MTHFD2L: variants seen among roughly 807,000 people sequenced by gnomAD.
The protein encoded by MTHFD2L is methylenetetrahydrofolate dehydrogenase (NADP+ dependent) 2 like.
MTHFD2L carries 29 observed loss-of-function variants against 34.9 expected under a neutral mutation model. That is an observed-to-expected ratio of 0.83 (90% CI 0.62 to 1.13). The LOEUF is 1.13. Ranked by LOEUF, MTHFD2L falls within the 50% of genes most tolerant of loss-of-function variation. The probability of loss-of-function intolerance (pLI) is 0.00; values close to 1 mark genes in which losing one functional copy is unlikely to be tolerated. For synonymous variants in MTHFD2L, 167 were observed against 155.7 expected (o/e 1.07, Z -0.54); for missense variants, 481 against 446.5 (o/e 1.08, Z -0.70).
At chr4:74,181,296 C>A (rs552489928) in intron 3 of MTHFD2L, among the ~76,000 whole-genome samples, 5 of 152,276 alleles carry the variant, frequency 3.3e-5, no homozygotes, top group Admixed American at 2.0e-4. Flanking sequence ...TTCATGACAG[C>A]TGTTACAAGT....
At chr4:74,264,523 T>G (rs58215609) in intron 6 of MTHFD2L, among the ~76,000 whole-genome samples, 5,097 of 151,912 alleles carry the variant, frequency 0.034, 268 homozygotes, top group African/African-American at 0.11. Context: ...ATTTCATGGA[T>G]GCATAATATA....
rs1470199342 is a variant in MTHFD2L, at chr4:74,278,713, A to G, written c.806-2712A>G. On this transcript the variant is annotated intron_variant, in intron 6 of 7. Coordinates refer to ENST00000325278, the MANE Select transcript of MTHFD2L (RefSeq NM_001144978.3). Reference sequence around the variant, plus strand: ...CTAGCTTGAGCTTGTTTTCATGGCCATGACGTGGTTCCAAGAGAGATAAGA... The same window carrying G: ...CTAGCTTGAGCTTGTTTTCATGGCCGTGACGTGGTTCCAAGAGAGATAAGA... Among the ~76,000 whole-genome samples, 8 of 152,058 alleles carry G rather than the reference A, an allele frequency of 5.3e-5. No homozygotes were observed. The South Asian group carries it at 1.4e-3, about 28-fold the overall frequency.
intron 3 of MTHFD2L, among the ~76,000 whole-genome samples, chr4:74,196,778 T>C (rs1733554869): frequency 6.6e-6 from 1 of 152,054 alleles, no homozygotes; most frequent in South Asian, 2.1e-4. Flanking sequence ...AAACCCCATC[T>C]GTACTAAAAA....
chr4:74,150,877 A>C (rs968541176), intron 1 of MTHFD2L, among the ~76,000 whole-genome samples: 2 of 152,092 alleles, frequency 1.3e-5, no homozygotes, highest in African/African-American at 4.8e-5. Context: ...GAAAACAAGA[A>C]GGCTTAACAA....
chr4:74,184,907 T>A (rs1408971617), intron 3 of MTHFD2L, among the ~76,000 whole-genome samples: 1 of 151,974 alleles, frequency 6.6e-6, no homozygotes, highest in Non-Finnish European at 1.5e-5. Context: ...CCCAGAACTT[T>A]AGGAGGCCAA....
intron 6 of MTHFD2L, among the ~76,000 whole-genome samples, chr4:74,230,591 GAAAA>G (rs11324931): frequency 1.6e-5 from 2 of 128,986 alleles, no homozygotes; most frequent in Non-Finnish European, 3.3e-5. Flanking sequence ...CTCTGTCTCA[GAAAA>G]AAAAAAAAAA....
chr4:74,158,011 C>G, upstream of MTHFD2L: 1 of 1,401,158 alleles, frequency 7.1e-7, no homozygotes, highest in Non-Finnish European at 9.7e-7. Context: ...GCGTGTCTGC[C>G]GGAACCTGGC....
intron 6 of MTHFD2L, among the ~76,000 whole-genome samples, chr4:74,277,690 T>C (rs1026928015): frequency 1.3e-5 from 2 of 152,164 alleles, no homozygotes; most frequent in Non-Finnish European, 2.9e-5. Flanking sequence ...TTTGTGTTTT[T>C]TCCTTTCTTC....
At chr4:74,207,453 T>C (rs1251389635) in intron 5 of MTHFD2L, among the ~76,000 whole-genome samples, 1 of 152,190 alleles carries the variant, frequency 6.6e-6, no homozygotes, top group Non-Finnish European at 1.5e-5. Context: ...ATTCAGCCAA[T>C]ACTCATCTAG....
chr4:74,195,132 C>G (rs1238302308), intron 3 of MTHFD2L: 2 of 152,192 alleles, frequency 1.3e-5, no homozygotes, highest in African/African-American at 4.8e-5. Flanking sequence ...CTCATGTTTT[C>G]AAGGAACATC....
chr4:74,273,566 A>G (rs888808424), intron 6 of MTHFD2L, among the ~76,000 whole-genome samples: 6 of 152,184 alleles, frequency 3.9e-5, no homozygotes, highest in African/African-American at 1.4e-4. Flanking sequence ...CACCTCTCAA[A>G]TGTACACTTC....
At chr4:74,226,685 C>A (rs1196230947) in intron 6 of MTHFD2L, among the ~76,000 whole-genome samples, 1 of 152,040 alleles carries the variant, frequency 6.6e-6, no homozygotes, top group Non-Finnish European at 1.5e-5. Context: ...GTACTAAATT[C>A]ATTCAATTGA....
intron 2 of MTHFD2L, chr4:74,114,758 G>A (rs1435982462): frequency 6.6e-6 from 1 of 152,222 alleles, no homozygotes; most frequent in African/African-American, 2.4e-5. Context: ...TTAATGTCTA[G>A]GTTTGTGGGT....
At chr4:74,115,642 T>A (rs1330645145) in intron 2 of MTHFD2L, among the ~76,000 whole-genome samples, 1 of 152,246 alleles carries the variant, frequency 6.6e-6, no homozygotes, top group Non-Finnish European at 1.5e-5. Context: ...TGCTTTCCTT[T>A]CAGACAGCAG....
intron 7 of MTHFD2L, among the ~76,000 whole-genome samples, chr4:74,301,274 T>C (rs1336533312): frequency 2.6e-5 from 4 of 152,086 alleles, no homozygotes; most frequent in African/African-American, 9.7e-5. Flanking sequence ...TGTGATATTG[T>C]TATAACAGGA....
intron 1 of MTHFD2L, among the ~76,000 whole-genome samples, chr4:74,167,499 C>G (rs962192851): frequency 6.6e-6 from 1 of 152,204 alleles, no homozygotes; most frequent in African/African-American, 2.4e-5. Context: ...TAGACAATAT[C>G]AGTGATTTAA....
intron 1 of MTHFD2L, among the ~76,000 whole-genome samples, chr4:74,139,032 G>A (rs1165520671): frequency 6.6e-6 from 1 of 152,178 alleles, no homozygotes; most frequent in African/African-American, 2.4e-5. Flanking sequence ...CCAGGATTAG[G>A]AATTCTTAGT....
intron 6 of MTHFD2L, among the ~76,000 whole-genome samples, chr4:74,278,057 A>G (rs1746922713): frequency 6.6e-6 from 1 of 152,114 alleles, no homozygotes; most frequent in Non-Finnish European, 1.5e-5. Flanking sequence ...AGCTGAATTA[A>G]ACTGTGTTTA....
At chr4:74,233,205 G>C (rs1328028065) in intron 6 of MTHFD2L, among the ~76,000 whole-genome samples, 1 of 152,038 alleles carries the variant, frequency 6.6e-6, no homozygotes. Context: ...CTCCAGGCCT[G>C]TTACCATTAC....
Sources: gnomAD v4.1 joint callset for allele counts (sites outside exome capture counted in the v4.1 genomes callset) on GRCh38, gnomAD v4.1.1 for gene constraint, MANE v1.5 for transcripts, NCBI Gene and HGNC (gene_info 2026-07-23, HGNC 2026-07-21) for gene names.